Variants in FRMPD1 observed in about 807,000 individuals in gnomAD.
FRMPD1 encodes the protein FERM and PDZ domain containing 1, also known as FERM and PDZ domain-containing protein 1.
Under a neutral mutation model 117.8 loss-of-function variants are expected in FRMPD1, and 76 were observed. That is an observed-to-expected ratio of 0.65 (90% CI 0.54 to 0.78). The LOEUF is 0.78. FRMPD1 is among the 30% of genes least tolerant of loss of function. The pLI is 0.00. For missense variants in FRMPD1, 1,786 were observed against 1,964.5 expected (o/e 0.91, Z 1.72); for synonymous variants, 783 against 770.4 (o/e 1.02, Z -0.27).
the FRMPD1 span, chr9:37,636,963 T>C: frequency 6.3e-7 from 1 of 1,596,384 alleles, no homozygotes; most frequent in Non-Finnish European, 8.6e-7. Flanking sequence ...ACGTTCTCGC[T>C]GGCATGGCGG....
the FRMPD1 span, among the ~76,000 whole-genome samples, chr9:37,612,143 A>G: frequency 6.6e-6 from 1 of 152,198 alleles, no homozygotes; most frequent in Admixed American, 6.5e-5. Flanking sequence ...TGGATTGACC[A>G]GTAAACCATT....
intron 15 of FRMPD1, among the ~76,000 whole-genome samples, chr9:37,742,479 C>T (rs1280438017): frequency 6.6e-6 from 1 of 152,226 alleles, no homozygotes; most frequent in Non-Finnish European, 1.5e-5. Context: ...TCTGATTTGG[C>T]CCCTGACTGA....
At chr9:37,604,369 G>A in the FRMPD1 span, among the ~76,000 whole-genome samples, 594 of 152,328 alleles carry the variant, frequency 3.9e-3, 3 homozygotes, top group African/African-American at 0.014. Flanking sequence ...AACTTAGGGT[G>A]AGTAGAGAAG....
At chr9:37,728,203 A>G (rs1823698531) in intron 7 of FRMPD1, among the ~76,000 whole-genome samples, 1 of 152,236 alleles carries the variant, frequency 6.6e-6, no homozygotes. Context: ...AGATGAAAAC[A>G]CTGAGGCATA....
rs1314588519 is a variant in FRMPD1 at position 37,745,286 on chromosome 9, A to T, written c.3254A>T (p.Asp1085Val). 1 of 1,612,264 alleles carries T rather than the reference A, an allele frequency of 6.2e-7. No individual in the cohort carries two copies. Residue 1085 changes from aspartate (D) to valine (V), a missense_variant, in exon 16 of 16, where the codon GAT (aspartate) becomes GTT (valine). By Grantham distance (152) the Asp-to-Val change is radical. Coordinates refer to ENST00000377765, the MANE Select transcript of FRMPD1 (RefSeq NM_014907.3). ...TCTCCTAGAGATGAGCCTAGAAGTG[A>T]TGAATGTGGAATAAATCCAGGAGAG... Reference protein sequence around the residue: ...LLSPRDEPRSDECGINPGEKI... With the variant: ...LLSPRDEPRSVECGINPGEKI...
intron 13 of FRMPD1, 41 bp downstream of exon 13, chr9:37,735,775 T>A: frequency 6.7e-7 from 1 of 1,483,704 alleles, no homozygotes; most frequent in Non-Finnish European, 9.4e-7. Flanking sequence ...ACTGCTGGAA[T>A]TTGGGGCCAA....
chr9:37,709,313 C>T (rs1822824605), intron 4 of FRMPD1, among the ~76,000 whole-genome samples: 1 of 151,352 alleles, frequency 6.6e-6, no homozygotes, highest in Non-Finnish European at 1.5e-5. Context: ...TGTGATTTTT[C>T]ATGAATGGCT....
chr9:37,745,620 A>T lies in FRMPD1; in HGVS notation c.3588A>T (p.Gln1196His), dbSNP rs1336493684. Residue 1196 changes from glutamine (Q) to histidine (H), a missense_variant, in exon 16 of 16, where the codon CAA becomes CAT. Coordinates refer to ENST00000377765, the MANE Select transcript of FRMPD1 (RefSeq NM_014907.3). ...CCCCAGGGCAAGGCTGCCAGGCTCA[A>T]GAACAAAAACTATTCGTAGAGTTGG... ...REPPGQGCQA[Q>H]EQKLFVELDL... 6.2e-7 allele frequency: 1 copy of T among 1,614,226 alleles called. No homozygotes were observed. Among genetic ancestry groups the T allele is most frequent in the East Asian group, 2.2e-5 (1 of 44,888 alleles).
chr9:37,688,773 G>A lies in FRMPD1; in HGVS notation c.-4-3865G>A, dbSNP rs575173474. ...CAATGATGTTTATGAAATCATAAGTGGGAAGATGTAATTTTAATTAAGAAA... is the reference window on the plus strand; with the variant it reads ...CAATGATGTTTATGAAATCATAAGTAGGAAGATGTAATTTTAATTAAGAAA... On this transcript the variant is annotated intron_variant, in intron 1 of 15. Transcript: ENST00000377765. Among the ~76,000 whole-genome samples, 17 of 152,010 alleles carry A rather than the reference G, an allele frequency of 1.1e-4. 1 individual carries two copies. In the South Asian group the frequency reaches 3.5e-3, roughly 32 times the overall value.
the FRMPD1 span, among the ~76,000 whole-genome samples, chr9:37,637,963 G>GCTTTCTTTCTTTCTTTCTTTCTTTC: frequency 1.1e-3 from 107 of 100,130 alleles, 10 homozygotes; most frequent in African/African-American, 3.5e-3. Context: ...AATGGTGTAT[G>GCTTTCTTTCTTTCTTTCTTTCTTTC]CTTTCTTTCT....
At chr9:37,637,309 C>G in the FRMPD1 span, 1 of 1,277,628 alleles carries the variant, frequency 7.8e-7, no homozygotes, top group Non-Finnish European at 1.1e-6. Context: ...CGGCGGAAGC[C>G]CGCTCAGTCG....
At chr9:37,678,345 C>T (rs539380262) in intron 1 of FRMPD1, among the ~76,000 whole-genome samples, 1 of 148,724 alleles carries the variant, frequency 6.7e-6, no homozygotes, top group South Asian at 2.2e-4. Flanking sequence ...ACTGCAACCT[C>T]CACCTCCCAG....
Position 37,667,478 on chromosome 9 carries a change from G to A in FRMPD1, c.-5+16384G>A, listed in dbSNP as rs547586896. Among the ~76,000 whole-genome samples, 7 of 149,562 alleles carry A rather than the reference G, an allele frequency of 4.7e-5. No homozygotes were observed. In the South Asian group the frequency reaches 6.5e-4, roughly 14 times the overall value. Reference sequence around the variant, plus strand: ...GCTTGAGGTCAAGAGTTCAGGACCAGCCTGACCAACATGGTGAGACCCCAT... The same window carrying A: ...GCTTGAGGTCAAGAGTTCAGGACCAACCTGACCAACATGGTGAGACCCCAT... On this transcript the variant is annotated intron_variant, in intron 1 of 15. Coordinates refer to ENST00000377765, the MANE Select transcript of FRMPD1 (RefSeq NM_014907.3).
At chr9:37,624,563 A>C in the FRMPD1 span, among the ~76,000 whole-genome samples, 1 of 152,248 alleles carries the variant, frequency 6.6e-6, no homozygotes, top group South Asian at 2.1e-4. Context: ...TAGTAATAAA[A>C]TCTAAATAAT....
the FRMPD1 span, among the ~76,000 whole-genome samples, chr9:37,620,067 C>T: frequency 9.2e-5 from 14 of 152,196 alleles, no homozygotes; most frequent in South Asian, 2.3e-3. Context: ...AGAGGGTCAC[C>T]GTGATCGCTA....
At chr9:37,729,644 C>T in intron 7 of FRMPD1, 84 bp from the exon 8 acceptor site, 1 of 1,416,184 alleles carries the variant, frequency 7.1e-7, no homozygotes, top group South Asian at 1.2e-5. Context: ...TTTTCTCTCC[C>T]TAGCTGCACT....
intron 1 of FRMPD1, among the ~76,000 whole-genome samples, chr9:37,680,412 A>C (rs1159249986): frequency 6.6e-6 from 1 of 152,246 alleles, no homozygotes; most frequent in African/African-American, 2.4e-5. Flanking sequence ...CATATCCAGC[A>C]TGATCAAACC....
chr9:37,648,548 C>T (rs1588897122), upstream of FRMPD1, among the ~76,000 whole-genome samples: 2 of 152,258 alleles, frequency 1.3e-5, no homozygotes, highest in Non-Finnish European at 2.9e-5. Flanking sequence ...GCGGTTACTA[C>T]AGCCTTGGCA....
the FRMPD1 span, among the ~76,000 whole-genome samples, chr9:37,643,154 A>T: frequency 2.0e-5 from 3 of 152,208 alleles, no homozygotes. Flanking sequence ...ACAGTGTAGA[A>T]ATTAGAGTCT....
Sources: allele counts gnomAD v4.1 joint callset (sites outside exome capture counted in the v4.1 genomes callset), GRCh38; gene constraint gnomAD v4.1.1; transcripts MANE v1.5; gene names NCBI Gene and HGNC (gene_info 2026-07-23, HGNC 2026-07-21).